CDC42BPG: variants seen among roughly 807,000 people sequenced by gnomAD.
The protein encoded by CDC42BPG is serine/threonine-protein kinase MRCK gamma.
Under a neutral mutation model 192.2 loss-of-function variants are expected in CDC42BPG, and 157 were observed. That is an observed-to-expected ratio of 0.82 (90% CI 0.72 to 0.93). The LOEUF (loss-of-function observed/expected upper bound fraction) is 0.93, where lower values mean the gene tolerates loss of function less well. Ranked by LOEUF, CDC42BPG falls within the 40% of genes least tolerant of loss-of-function variation. The probability of loss-of-function intolerance (pLI) is 0.00; values close to 1 mark genes in which losing one functional copy is unlikely to be tolerated. For missense variants in CDC42BPG, 1,992 were observed against 2,122.1 expected (o/e 0.94, Z 1.20); for synonymous variants, 981 against 918.5 (o/e 1.07, Z -1.23).
Position 64,837,001 on chromosome 11 carries a change from G to A in CDC42BPG, c.1224C>T (p.Ser408=). The part of the protein sequence containing the change: ...YTSGSHSPES[S]SEAWAALERK... Reference sequence around the variant, plus strand: ...GCTCCAGGGCAGCCCAAGCCTCAGAGCTGCTCTCAGGACTGTGACTGTAGG... The same window carrying A: ...GCTCCAGGGCAGCCCAAGCCTCAGAACTGCTCTCAGGACTGTGACTGTAGG... Residue 408 remains serine (S), a synonymous_variant, in exon 10 of 37, where the codon AGC becomes AGT. Coordinates refer to ENST00000342711, the MANE Select transcript of CDC42BPG (RefSeq NM_017525.3). 1 of 1,613,516 alleles carries A rather than the reference G, an allele frequency of 6.2e-7. No individual in the cohort carries two copies. Among genetic ancestry groups the A allele is most frequent in the Admixed American group, 1.7e-5 (1 of 60,036 alleles).
At chr11:64,843,593 C>T (rs1262454953) in intron 1 of CDC42BPG, among the ~76,000 whole-genome samples, 4 of 152,218 alleles carry the variant, frequency 2.6e-5, no homozygotes, top group Admixed American at 2.0e-4. Flanking sequence ...TGGCCAGGCC[C>T]CCGTGCCTTT....
chr11:64,831,497 C>A lies in CDC42BPG; in HGVS notation c.3304+8G>T. 1 of 1,602,490 alleles carries A rather than the reference C, an allele frequency of 6.2e-7. No homozygotes were observed. The highest frequency in any genetic ancestry group is 8.5e-7 in the Non-Finnish European group (1 of 1,172,356). ...AACTGCTTCCTCCAGTCCCCTCCAC[C>A]AGCTCACCGAGGATGGCAGCGCAGA... On this transcript the variant is annotated splice_region_variant and intron_variant, in intron 28 of 36. Transcript: ENST00000342711.
chr11:64,831,442 T>C (rs1942681298), intron 28 of CDC42BPG, 63 bp downstream of exon 28: 1 of 1,472,124 alleles, frequency 6.8e-7, no homozygotes, highest in Non-Finnish European at 9.3e-7. Flanking sequence ...CTTGGGACTA[T>C]TCCTAGACAC....
chr11:64,836,726 G>GGGGGGGGGGGGGGGGC lies in CDC42BPG; in HGVS notation c.1384+12_1384+13insGCCCCCCCCCCCCCCC. 1.1e-6 allele frequency: 1 copy of GGGGGGGGGGGGGGGGC among 889,334 alleles called. No homozygotes were observed. 55.1% of individuals were successfully genotyped at this position (889,334 alleles called of 1,614,324 possible). ...AGCCCTGGGGGGGGGGGGGGGGTGG[G>GGGGGGGGGGGGGGGGC]CGGAAGGGATACCTGGCAGCCTGTC... is the stretch of plus-strand genomic sequence containing the variant. On this transcript the variant is annotated intron_variant, in intron 11 of 36. Coordinates refer to ENST00000342711, the MANE Select transcript of CDC42BPG (RefSeq NM_017525.3).
chr11:64,834,714 G>T, intron 18 of CDC42BPG, 135 bp downstream of exon 18: 1 of 1,343,874 alleles, frequency 7.4e-7, no homozygotes, highest in Non-Finnish European at 1.0e-6. Context: ...CCCACTGTGA[G>T]CTCAGGGAAA....
rs998447618 is a variant in CDC42BPG, at chr11:64,832,547, C to A, written c.3006-38G>T. On this transcript the variant is annotated intron_variant, in intron 26 of 36. Coordinates refer to ENST00000342711, the MANE Select transcript of CDC42BPG (RefSeq NM_017525.3). ...CAGAACAGGTCAGAAATCTCCCTGT[C>A]CCTGACTGCCCCCCTTACCACTAGT... 3.1e-6 allele frequency: 5 copies of A among 1,613,860 alleles called. No individual in the cohort carries two copies. In the Admixed American group the frequency reaches 5.0e-5, roughly 16 times the overall value.
In CDC42BPG at chr11:64,826,737, AGCTGTGGGGCC is replaced by A; in HGVS notation, c.4436_4446del (p.Arg1479LeufsTer64). On this transcript the variant is annotated frameshift_variant, in exon 35 of 37. Transcript: ENST00000342711. LOFTEE classifies it high-confidence loss of function. ...GCTGGGCGCCGCAACGCCTCGGAGA[AGCTGTGGGGCC>A]GCTGTGGGCCGGAGCCGCGGGCAAC... 6.5e-7 allele frequency: 1 copy of A among 1,546,634 alleles called. No homozygotes were observed. Among genetic ancestry groups the A allele is most frequent in the Non-Finnish European group, 8.7e-7 (1 of 1,147,290 alleles).
At chr11:64,839,812 G>C (rs918628707) in intron 5 of CDC42BPG, among the ~76,000 whole-genome samples, 1 of 152,174 alleles carries the variant, frequency 6.6e-6, no homozygotes, top group African/African-American at 2.4e-5. Flanking sequence ...GGCAGAGTGT[G>C]CTATGGGGGA....
intron 27 of CDC42BPG, 90 bp from the exon 28 acceptor site, chr11:64,831,811 G>A (rs1466888963): frequency 4.2e-6 from 5 of 1,192,712 alleles, no homozygotes; most frequent in Non-Finnish European, 5.9e-6. Context: ...GTGCCCCGGG[G>A]GCCTAGCGTG....
chr11:64,829,580 G>T lies in CDC42BPG; in HGVS notation c.3858C>A (p.Ser1286Arg). 3 of 1,612,522 alleles carry T rather than the reference G, an allele frequency of 1.9e-6. No individual in the cohort carries two copies. Among genetic ancestry groups the T allele is most frequent in the Non-Finnish European group, 2.5e-6 (3 of 1,179,724 alleles). Residue 1286 changes from serine to arginine, a missense_variant, in exon 30 of 37, where the codon AGC (serine) becomes AGA (arginine). This residue lies in a region of CDC42BPG where 1,656 missense variants were observed against 1,844.3 expected (regional missense o/e 0.90). Transcript: ENST00000342711. Reference sequence around the variant, plus strand: ...TGAAGAGTAGCAGGAACTCGCTGAGGCTAAGCTCCACGGCACCCAGTGCCT... The same window carrying T: ...TGAAGAGTAGCAGGAACTCGCTGAGTCTAAGCTCCACGGCACCCAGTGCCT... ...LGEALGAVELSLSEFLLLFTT... is the reference protein window; with the variant it reads ...LGEALGAVELRLSEFLLLFTT...
chr11:64,835,605 G>T lies in CDC42BPG; in HGVS notation c.1775C>A (p.Ser592Tyr), dbSNP rs780899824. Residue 592 changes from serine (S) to tyrosine (Y), a missense_variant, in exon 15 of 37, where the codon TCT (serine) becomes TAT (tyrosine). Ser to Tyr is a moderately radical substitution (Grantham distance 144). This residue lies in a region of CDC42BPG where 1,656 missense variants were observed against 1,844.3 expected (regional missense o/e 0.90). Transcript: ENST00000342711. ...AGGGGGTCCCATCCCGTTGGTCTCA[G>T]AGGCTGTGTGGATGGTCTTGGGGAC... The part of the protein sequence containing the change: ...SSQAKTIHTA[S>Y]ETNGMGPPEG... 35 of 1,570,344 alleles carry T rather than the reference G, an allele frequency of 2.2e-5. No individual in the cohort carries two copies. The Admixed American group carries it at 6.0e-4, about 27-fold the overall frequency.
intron 10 of CDC42BPG, 33 bp from the exon 11 acceptor site, chr11:64,836,852 ACTC>A (rs1943039752): frequency 6.2e-7 from 1 of 1,607,764 alleles, no homozygotes; most frequent in African/African-American, 1.3e-5. Flanking sequence ...AGGTGAGTCC[ACTC>A]CTCCATTCCC....
In CDC42BPG at chr11:64,836,721, G is replaced by GT; in HGVS notation, c.1384+17_1384+18insA. On this transcript the variant is annotated intron_variant, in intron 11 of 36. Transcript: ENST00000342711. ...GACTCAGCCCTGGGGGGGGGGGGGG[G>GT]GTGGGCGGAAGGGATACCTGGCAGC... is the stretch of plus-strand genomic sequence containing the variant. 3 of 857,196 alleles carry GT rather than the reference G, an allele frequency of 3.5e-6. No homozygotes were observed. The highest frequency in any genetic ancestry group is 2.0e-5 in the African/African-American group (1 of 51,180). 53.1% of individuals were successfully genotyped at this position (857,196 alleles called of 1,614,324 possible). A position where few individuals can be genotyped will look rare whatever the true frequency, so the allele number is the denominator to read the frequency against.
chr11:64,838,158 G>T lies in CDC42BPG; in HGVS notation c.1130C>A (p.Thr377Asn). Residue 377 changes from threonine to asparagine, a missense_variant, in exon 9 of 37, where the codon ACC becomes AAC. Thr to Asn is a moderately conservative substitution (Grantham distance 65). Coordinates refer to ENST00000342711, the MANE Select transcript of CDC42BPG (RefSeq NM_017525.3). ...GGCCCCGTGGGAGGGCGGTGGCAGGGTCCCCTGCAGAGGGAGAGGGAAGGA... is the reference window on the plus strand; with the variant it reads ...GGCCCCGTGGGAGGGCGGTGGCAGGTTCCCCTGCAGAGGGAGAGGGAAGGA... Reference protein sequence around the residue: ...VDDDTLNHPGTLPPPSHGAFS... With the variant: ...VDDDTLNHPGNLPPPSHGAFS... 1 of 1,551,862 alleles carries T rather than the reference G, an allele frequency of 6.4e-7. No homozygotes were observed. The highest frequency in any genetic ancestry group is 8.7e-7 in the Non-Finnish European group (1 of 1,148,228).
In CDC42BPG at chr11:64,838,757, T is replaced by C; in HGVS notation, c.1022A>G (p.Asp341Gly). 1 of 1,613,018 alleles carries C rather than the reference T, an allele frequency of 6.2e-7. No homozygotes were observed. The highest frequency in any genetic ancestry group is 8.5e-7 in the Non-Finnish European group (1 of 1,180,028). The change falls in exon 8 of 37, where the codon GAC (aspartate) becomes GGC (glycine). Residue 341 changes from aspartate (D) to glycine (G), a missense_variant. Physicochemically the swap from Asp to Gly is moderately conservative, Grantham distance 94 (BLOSUM62 -1). Coordinates refer to ENST00000342711, the MANE Select transcript of CDC42BPG (RefSeq NM_017525.3). The part of the protein sequence containing the change: ...FRNHPFFEGV[D>G]WERLASSTAP... ...CGTGCTGCTCGCCAGCCGCTCCCAG[T>C]CCACGCCTTCGAAGAAAGGATGGTT...
Position 64,834,263 on chromosome 11 carries a change from C to T in CDC42BPG, c.2413+3G>A, listed in dbSNP as rs961381651. ...CCGGGGCAAGCAGTTGGCAGCCACT[C>T]ACCCACTGGCCCTCGGGCCCGCAGC... On this transcript the variant is annotated splice_donor_region_variant and intron_variant, in intron 20 of 36. Coordinates refer to ENST00000342711, the MANE Select transcript of CDC42BPG (RefSeq NM_017525.3). 16 of 1,565,852 alleles carry T rather than the reference C, an allele frequency of 1.0e-5. No individual in the cohort carries two copies. The highest frequency in any genetic ancestry group is 2.1e-4 in the Middle Eastern group (1 of 4,724).
Position 64,827,059 on chromosome 11 carries a change from G to C in CDC42BPG, c.4380C>G (p.Asp1460Glu). Residue 1460 changes from aspartate to glutamate, a missense_variant, in exon 34 of 37, where the codon GAC (aspartate) becomes GAG (glutamate). By Grantham distance (45) the Asp-to-Glu change is conservative. Transcript: ENST00000342711. ...GCTCCAGAGGACTAACCGGGGACTT[G>C]TCCCTGGCGCCGGGCCGCCCGTTGG... is the stretch of plus-strand genomic sequence containing the variant. ...GPANGRPGAR[D>E]KSPAPEEKGR... 1.2e-6 allele frequency: 2 copies of C among 1,608,316 alleles called. No homozygotes were observed. Among genetic ancestry groups the C allele is most frequent in the Non-Finnish European group, 1.7e-6 (2 of 1,175,086 alleles).
rs558272930 is a variant in CDC42BPG at position 64,840,067 on chromosome 11, A to AGGGGTTGGGCAGGGCAGC, written c.581+35_581+52dup. 1.6e-4 allele frequency: 242 copies of AGGGGTTGGGCAGGGCAGC among 1,542,396 alleles called. 1 individual carries two copies. The highest frequency in any genetic ancestry group is 1.9e-4 in the Middle Eastern group (1 of 5,372). ...ATCAGCTGTCCCCAGCACAGCTGGC[A>AGGGGTTGGGCAGGGCAGC]GGGGTTGGGCAGGGCAGCGGGGTTG... On this transcript the variant is annotated intron_variant, in intron 5 of 36. Coordinates refer to ENST00000342711, the MANE Select transcript of CDC42BPG (RefSeq NM_017525.3).
In CDC42BPG at chr11:64,827,017, A is replaced by AG. The variant is rs1942454823; in HGVS notation, c.4389+32_4389+33insC. ...GGCCGGTTATTGGCTCAGCCTCACC[A>AG]AAGTGGCTTGTGATTGGCTCCAGAG... On this transcript the variant is annotated intron_variant, in intron 34 of 36. Coordinates refer to ENST00000342711, the MANE Select transcript of CDC42BPG (RefSeq NM_017525.3). The AG allele has an allele frequency of 6.8e-6, 10 of 1,462,064 alleles. No homozygotes were observed. The African/African-American group carries it at 1.1e-4, about 16-fold the overall frequency. The allele number at this position is 1,462,064 out of a possible 1,614,324, so 90.6% of individuals were successfully genotyped here.
Sources: gnomAD v4.1 joint callset for allele counts (sites outside exome capture counted in the v4.1 genomes callset) on GRCh38, gnomAD v4.1.1 for gene constraint, gnomAD v4.1.1 regional missense constraint, MANE v1.5 for transcripts, NCBI Gene and HGNC (gene_info 2026-07-23, HGNC 2026-07-21) for gene names.